The following ECHDC1 variants were observed in gnomAD, a reference collection of about 807,000 sequenced individuals.
ECHDC1 encodes the protein ethylmalonyl-CoA decarboxylase.
In ECHDC1, 29 loss-of-function variants were observed where a neutral mutation model predicts 29.7. The observed-to-expected ratio is 0.98, with a 90% confidence interval of 0.73 to 1.33. ECHDC1 has a LOEUF of 1.33. Ranked by LOEUF, ECHDC1 falls within the 40% of genes most tolerant of loss-of-function variation. The probability of loss-of-function intolerance (pLI) is 0.00; values close to 1 mark genes in which losing one functional copy is unlikely to be tolerated. For missense variants in ECHDC1, 328 were observed against 350.0 expected (o/e 0.94, Z 0.50); for synonymous variants, 126 against 123.1 (o/e 1.02, Z -0.15).
chr6:127,320,656 T>A (rs1782760545), intron 3 of ECHDC1, among the ~76,000 whole-genome samples: 1 of 152,216 alleles, frequency 6.6e-6, no homozygotes, highest in African/African-American at 2.4e-5. Flanking sequence ...CTACAGGACA[T>A]CTGTGGCATC....
intron 5 of ECHDC1, among the ~76,000 whole-genome samples, chr6:127,312,695 T>C (rs1005548432): frequency 5.3e-5 from 8 of 152,234 alleles, no homozygotes; most frequent in Non-Finnish European, 7.3e-5. Flanking sequence ...TGCCCATTAA[T>C]GTATAACACT....
intron 1 of ECHDC1, among the ~76,000 whole-genome samples, chr6:127,337,137 TA>T (rs1188059421): frequency 6.6e-6 from 1 of 152,168 alleles, no homozygotes; most frequent in Non-Finnish European, 1.5e-5. Flanking sequence ...AAGAAGAAAA[TA>T]TTTAATTCCT....
chr6:127,319,323 A>G (rs1294249973), intron 3 of ECHDC1, among the ~76,000 whole-genome samples: 3 of 152,210 alleles, frequency 2.0e-5, no homozygotes, highest in Non-Finnish European at 4.4e-5. Flanking sequence ...ACAGTAGTAT[A>G]TATTTTATTA....
intron 5 of ECHDC1, among the ~76,000 whole-genome samples, chr6:127,298,485 T>C (rs1043525126): frequency 6.6e-6 from 1 of 152,216 alleles, no homozygotes; most frequent in Non-Finnish European, 1.5e-5. Context: ...AAGTACTTCC[T>C]GAAGCACATT....
At chr6:127,333,157 AT>A (rs1289282047) in intron 1 of ECHDC1, among the ~76,000 whole-genome samples, 1 of 152,176 alleles carries the variant, frequency 6.6e-6, no homozygotes, top group Non-Finnish European at 1.5e-5. Flanking sequence ...TCAGAGTGAA[AT>A]TCAACAGAAG....
intron 1 of ECHDC1, among the ~76,000 whole-genome samples, chr6:127,333,481 TG>T (rs1046223538): frequency 3.3e-5 from 5 of 152,138 alleles, no homozygotes; most frequent in African/African-American, 4.8e-5. Context: ...ATGTGTCTTT[TG>T]ATCAATACAT....
intron 5 of ECHDC1, among the ~76,000 whole-genome samples, chr6:127,310,730 A>C (rs1781831529): frequency 6.6e-6 from 1 of 152,234 alleles, no homozygotes; most frequent in Non-Finnish European, 1.5e-5. Flanking sequence ...CGGCAGAAAG[A>C]AGTTCTACTA....
rs773821731 is a variant in ECHDC1 at position 127,289,962 on chromosome 6, T to C, written c.813A>G (p.Glu271=). The change falls in exon 6 of 6, where the codon GAA becomes GAG. Residue 271 remains glutamate, a synonymous_variant. Transcript: ENST00000454859. ...AAAGATCTCTTTCGTTCTGTAATGC[T>C]TCCTCCAAATATAGCTCTCTGCCTG... ...VCSGRELYLE[E]ALQNERDLLG... 6.2e-7 allele frequency: 1 copy of C among 1,613,700 alleles called. No individual in the cohort carries two copies. The highest frequency in any genetic ancestry group is 1.1e-5 in the South Asian group (1 of 91,072).
At chr6:127,302,282 CTA>C (rs1247130691) in intron 5 of ECHDC1, among the ~76,000 whole-genome samples, 1 of 152,164 alleles carries the variant, frequency 6.6e-6, no homozygotes, top group African/African-American at 2.4e-5. Flanking sequence ...ACACCGGAAT[CTA>C]TGTTAGAGGG....
intron 5 of ECHDC1, among the ~76,000 whole-genome samples, chr6:127,291,364 C>G (rs1404599547): frequency 6.8e-6 from 1 of 147,366 alleles, no homozygotes; most frequent in African/African-American, 2.5e-5. Context: ...CAGTTATCTT[C>G]ATGGTACACA....
In ECHDC1 at chr6:127,315,013, T is replaced by C. The variant is rs751460672; in HGVS notation, c.417-117A>G. On this transcript the variant is annotated intron_variant, in intron 4 of 5. Transcript: ENST00000454859. ...AAACAAAATTATTGCACTGTCTTCA[T>C]AAAAACAAACACACATCAAAGGATA... 7.7e-6 allele frequency: 7 copies of C among 911,520 alleles called. No individual in the cohort carries two copies. In the East Asian group the frequency reaches 1.1e-4, roughly 14 times the overall value. The allele number at this position is 911,520 out of a possible 1,614,324, so 56.5% of individuals were successfully genotyped here. A position where few individuals can be genotyped will look rare whatever the true frequency, so the allele number is the denominator to read the frequency against.
At chr6:127,298,047 A>C (rs774305064) in intron 5 of ECHDC1, among the ~76,000 whole-genome samples, 3 of 152,194 alleles carry the variant, frequency 2.0e-5, no homozygotes, top group Non-Finnish European at 4.4e-5. Context: ...CAGTGAACTA[A>C]TGTAAGTAAC....
chr6:127,289,276 G>C lies in ECHDC1; in HGVS notation c.*593C>G, dbSNP rs900497019. On this transcript the variant is annotated 3_prime_UTR_variant, in exon 6 of 6. Coordinates refer to ENST00000454859, the MANE Select transcript of ECHDC1 (RefSeq NM_001002030.2). ...ATGTCATGGCTACCACTGTTTAGTA[G>C]GTAATTTACAATAGAAAACTAATTA... 1.3e-5 allele frequency: 2 copies of C among 152,004 alleles called. No homozygotes were observed. Among genetic ancestry groups the C allele is most frequent in the African/African-American group, 4.8e-5 (2 of 41,408 alleles). The allele number at this position is 152,004 out of a possible 1,614,324, so 9.4% of individuals were successfully genotyped here.
intron 3 of ECHDC1, 132 bp from the exon 4 acceptor site, chr6:127,316,634 A>G: frequency 1.5e-6 from 1 of 676,902 alleles, no homozygotes; most frequent in Non-Finnish European, 2.4e-6. Context: ...TCCATTTAAA[A>G]CTCTTTGATG....
At chr6:127,324,504 T>C (rs1783127654) in intron 3 of ECHDC1, among the ~76,000 whole-genome samples, 1 of 152,206 alleles carries the variant, frequency 6.6e-6, no homozygotes, top group Non-Finnish European at 1.5e-5. Context: ...TAGGCTCGAC[T>C]AACCCAGGAA....
At chr6:127,306,001 C>A in intron 5 of ECHDC1, among the ~76,000 whole-genome samples, 2 of 145,334 alleles carry the variant, frequency 1.4e-5, no homozygotes, top group Admixed American at 6.9e-5. Context: ...AAGACACAGA[C>A]TGGTTGATAG....
intron 4 of ECHDC1, 95 bp from the exon 5 acceptor site, chr6:127,314,991 C>T (rs1442837150): frequency 1.8e-6 from 2 of 1,114,484 alleles, no homozygotes; most frequent in East Asian, 5.2e-5. Flanking sequence ...GCAGTGGAAA[C>T]AAAATTATTG....
intron 5 of ECHDC1, among the ~76,000 whole-genome samples, chr6:127,304,700 A>T (rs778550271): frequency 3.3e-5 from 5 of 152,170 alleles, no homozygotes; most frequent in Non-Finnish European, 5.9e-5. Context: ...TAAGAACAAG[A>T]TTGAAATAAA....
At chr6:127,316,297 G>A (rs1782368197) in intron 4 of ECHDC1, 153 bp downstream of exon 4, 2 of 598,330 alleles carry the variant, frequency 3.3e-6, no homozygotes, top group Non-Finnish European at 5.9e-6. Context: ...GTAATTAAAT[G>A]ATTATCCTCT....
Sources: allele counts gnomAD v4.1 joint callset (sites outside exome capture counted in the v4.1 genomes callset), GRCh38; gene constraint gnomAD v4.1.1; transcripts MANE v1.5; gene names NCBI Gene and HGNC (gene_info 2026-07-23, HGNC 2026-07-21).